CPNE8: variants seen among roughly 807,000 people sequenced by gnomAD.
CPNE8 encodes copine-8.
A neutral mutation model predicts 81.5 loss-of-function variants in CPNE8; 45 were observed. That is an observed-to-expected ratio of 0.55 (90% CI 0.44 to 0.71). The LOEUF is 0.71. CPNE8 is among the 30% of genes least tolerant of loss of function. The pLI, the probability that CPNE8 is intolerant of heterozygous loss-of-function variation, is 0.00. For missense variants in CPNE8, 594 were observed against 672.1 expected (o/e 0.88, Z 1.28); for synonymous variants, 252 against 226.3 (o/e 1.11, Z -1.02).
At chr12:38,847,110 C>T (rs1172342718) in intron 4 of CPNE8, among the ~76,000 whole-genome samples, 1 of 151,864 alleles carries the variant, frequency 6.6e-6, no homozygotes, top group Non-Finnish European at 1.5e-5. Flanking sequence ...GGAGGCAATG[C>T]TTTTTTGTAT....
At chr12:38,699,590 C>T (rs1220043143) in intron 14 of CPNE8, among the ~76,000 whole-genome samples, 1 of 151,714 alleles carries the variant, frequency 6.6e-6, no homozygotes, top group Non-Finnish European at 1.5e-5. Flanking sequence ...TCCTTCCTTC[C>T]TTTCCCTCAT....
intron 4 of CPNE8, among the ~76,000 whole-genome samples, chr12:38,841,172 G>A (rs1469752203): frequency 6.6e-6 from 1 of 152,066 alleles, no homozygotes; most frequent in Non-Finnish European, 1.5e-5. Flanking sequence ...ATGGTTCTAG[G>A]TAATAATCAT....
At chr12:38,750,935 C>A (rs1281081912) in intron 10 of CPNE8, among the ~76,000 whole-genome samples, 1 of 152,100 alleles carries the variant, frequency 6.6e-6, no homozygotes, top group Non-Finnish European at 1.5e-5. Flanking sequence ...ATCTTGAATT[C>A]CCACGTGTTG....
intron 6 of CPNE8, among the ~76,000 whole-genome samples, chr12:38,805,755 A>C (rs1209174136): frequency 2.0e-5 from 3 of 149,190 alleles, no homozygotes; most frequent in Non-Finnish European, 3.0e-5. Flanking sequence ...AACTAAGATC[A>C]GAGCAGAACT....
At chr12:38,772,634 T>C (rs1941827695) in intron 7 of CPNE8, among the ~76,000 whole-genome samples, 1 of 152,100 alleles carries the variant, frequency 6.6e-6, no homozygotes, top group Non-Finnish European at 1.5e-5. Flanking sequence ...AGTGAGGATG[T>C]AGAGAAAAGG....
chr12:38,705,852 A>T (rs1940094540), intron 13 of CPNE8, among the ~76,000 whole-genome samples: 1 of 152,086 alleles, frequency 6.6e-6, no homozygotes. Flanking sequence ...AAAAATGAGA[A>T]CTGAAAGGAA....
chr12:38,792,297 G>GTT lies in CPNE8; in HGVS notation c.408-15998_408-15997dup, dbSNP rs34511928. Among the ~76,000 whole-genome samples, 1,020 of 145,912 alleles carry GTT rather than the reference G, an allele frequency of 7.0e-3. 6 individuals carry two copies. Among genetic ancestry groups the GTT allele is most frequent in the Middle Eastern group, 0.018 (5 of 284 alleles). On this transcript the variant is annotated intron_variant, in intron 6 of 19. Coordinates refer to ENST00000331366, the MANE Select transcript of CPNE8 (RefSeq NM_153634.3). Reference sequence around the variant, plus strand: ...TACAAAAATATCAATGAAACTAAGAGTTTTTTTTTTTAAAGATTGACAAAA... The same window carrying GTT: ...TACAAAAATATCAATGAAACTAAGAGTTTTTTTTTTTTTAAAGATTGACAAAA...
In CPNE8 at chr12:38,702,901, A is replaced by G. The variant is rs757415938; in HGVS notation, c.935T>C (p.Val312Ala). Residue 312 changes from valine to alanine, a missense_variant, in exon 14 of 20, where the codon GTG becomes GCG. Transcript: ENST00000331366. ...IKGGTQINFT[V>A]AIDFTASNGN... ...GTTTGATGCTGTAAAATCAATAGCC[A>G]CTGTGAAATTGATTTGCGTCCTGGA... 3 of 1,579,378 alleles carry G rather than the reference A, an allele frequency of 1.9e-6. No homozygotes were observed. The highest frequency in any genetic ancestry group is 2.6e-6 in the Non-Finnish European group (3 of 1,160,744).
chr12:38,692,160 A>G (rs1441176767), intron 15 of CPNE8, among the ~76,000 whole-genome samples: 5 of 151,972 alleles, frequency 3.3e-5, no homozygotes, highest in African/African-American at 4.8e-5. Flanking sequence ...GGTGTTATGC[A>G]TGCCTGTAAT....
chr12:38,881,476 A>T (rs1032939579), intron 1 of CPNE8, among the ~76,000 whole-genome samples: 1 of 152,176 alleles, frequency 6.6e-6, no homozygotes, highest in African/African-American at 2.4e-5. Context: ...TACCCAACAG[A>T]CACTAGGGAT....
At chr12:38,800,891 G>C (rs200309266) in intron 6 of CPNE8, among the ~76,000 whole-genome samples, 44,504 of 75,710 alleles carry the variant, frequency 0.59, 16,921 homozygotes, top group Non-Finnish European at 0.84. Flanking sequence ...GCGATCAACT[G>C]GAAGAAAGGG....
At chr12:38,686,957 A>C (rs529031517) in intron 15 of CPNE8, among the ~76,000 whole-genome samples, 186 of 152,302 alleles carry the variant, frequency 1.2e-3, no homozygotes, top group African/African-American at 4.1e-3. Flanking sequence ...TCTAGTTCAC[A>C]CTTGAGAAAA....
At chr12:38,668,803 A>G (rs2136641814) in intron 19 of CPNE8, among the ~76,000 whole-genome samples, 1 of 152,278 alleles carries the variant, frequency 6.6e-6, no homozygotes, top group South Asian at 2.1e-4. Context: ...TAATCCCAGC[A>G]CATTGGGAGG....
chr12:38,709,116 G>A (rs1302480956), intron 13 of CPNE8, among the ~76,000 whole-genome samples: 1 of 152,160 alleles, frequency 6.6e-6, no homozygotes, highest in Non-Finnish European at 1.5e-5. Flanking sequence ...CCAGGACTAT[G>A]CTTCTGCCTT....
intron 6 of CPNE8, among the ~76,000 whole-genome samples, chr12:38,805,661 T>TAA (rs35911949): frequency 3.8e-4 from 16 of 41,934 alleles, no homozygotes; most frequent in Non-Finnish European, 6.1e-4. Flanking sequence ...TAGAGTATAA[T>TAA]AAAAAAAAAA....
At chr12:38,759,815 C>T (rs138422636) in intron 10 of CPNE8, among the ~76,000 whole-genome samples, 1,631 of 152,308 alleles carry the variant, frequency 0.011, 33 homozygotes, top group African/African-American at 0.036. Flanking sequence ...GGGCAAGTGT[C>T]ATACACATGC....
chr12:38,902,324 GAA>G (rs1944482374), intron 1 of CPNE8, among the ~76,000 whole-genome samples: 1 of 57,826 alleles, frequency 1.7e-5, no homozygotes, highest in Admixed American at 1.8e-4. Flanking sequence ...AGGAAAGAAA[GAA>G]AGAAAGAAAG....
intron 19 of CPNE8, among the ~76,000 whole-genome samples, chr12:38,661,658 G>A (rs1195476551): frequency 6.6e-6 from 1 of 151,940 alleles, no homozygotes; most frequent in Non-Finnish European, 1.5e-5. Flanking sequence ...TATTCCACAA[G>A]GCCAGAACTA....
intron 13 of CPNE8, among the ~76,000 whole-genome samples, chr12:38,707,296 AGAGT>A (rs1940132816): frequency 6.6e-6 from 1 of 152,346 alleles, no homozygotes; most frequent in Admixed American, 6.5e-5. Flanking sequence ...CTTGTGCGAC[AGAGT>A]GAGACTCTGT....
Sources: allele counts gnomAD v4.1 joint callset (sites outside exome capture counted in the v4.1 genomes callset), GRCh38; gene constraint gnomAD v4.1.1; transcripts MANE v1.5; gene names NCBI Gene and HGNC (gene_info 2026-07-23, HGNC 2026-07-21).